GULP1: variants seen among roughly 807,000 people sequenced by gnomAD.
The protein encoded by GULP1 is PTB domain-containing engulfment adapter protein 1.
GULP1 carries 19 observed loss-of-function variants against 40.9 expected under a neutral mutation model. That is an observed-to-expected ratio of 0.46 (90% confidence interval 0.32 to 0.68). The LOEUF (loss-of-function observed/expected upper bound fraction) is 0.68. Ranked by LOEUF, GULP1 falls within the 30% of genes least tolerant of loss-of-function variation. The pLI, the probability that GULP1 is intolerant of heterozygous loss-of-function variation, is 0.03. For missense variants in GULP1, 312 were observed against 362.2 expected (o/e 0.86, Z 1.12); for synonymous variants, 119 against 117.6 (o/e 1.01, Z -0.08).
chr2:188,308,200 C>T (rs1376707407), intron 1 of GULP1, among the ~76,000 whole-genome samples: 2 of 152,078 alleles, frequency 1.3e-5, no homozygotes, highest in African/African-American at 2.4e-5. Context: ...CTGTCTGTGA[C>T]TGTCTTCCTG....
intron 4 of GULP1, among the ~76,000 whole-genome samples, chr2:188,507,892 A>T (rs2153188415): frequency 6.6e-6 from 1 of 152,108 alleles, no homozygotes; most frequent in East Asian, 1.9e-4. Context: ...TTGATATATT[A>T]ATCAAATATA....
intron 2 of GULP1, among the ~76,000 whole-genome samples, chr2:188,456,824 G>A (rs890308091): frequency 6.6e-6 from 1 of 152,140 alleles, no homozygotes; most frequent in African/African-American, 2.4e-5. Flanking sequence ...CAGATGGGAG[G>A]GAGGCTGTAC....
At chr2:188,436,199 T>A (rs2057390297) in intron 2 of GULP1, among the ~76,000 whole-genome samples, 1 of 152,086 alleles carries the variant, frequency 6.6e-6, no homozygotes, top group Admixed American at 6.6e-5. Context: ...GCCACCTATT[T>A]TTGTTGTAGA....
chr2:188,541,654 TA>T, intron 7 of GULP1: 1 of 469,226 alleles, frequency 2.1e-6, no homozygotes, highest in Non-Finnish European at 3.7e-6. Flanking sequence ...ATTATGCACA[TA>T]ATACAAACAG....
At chr2:188,577,993 G>A (rs958642314) in intron 9 of GULP1, among the ~76,000 whole-genome samples, 14 of 151,484 alleles carry the variant, frequency 9.2e-5, no homozygotes, top group African/African-American at 3.4e-4. Flanking sequence ...AAATGTAAGG[G>A]AATTTATTTC....
intron 4 of GULP1, among the ~76,000 whole-genome samples, chr2:188,517,906 G>T (rs1031236660): frequency 6.6e-6 from 1 of 152,008 alleles, no homozygotes; most frequent in Non-Finnish European, 1.5e-5. Flanking sequence ...GCATTTTGCA[G>T]CCCAGAGGTC....
chr2:188,569,394 G>C (rs750929010), intron 8 of GULP1, 39 bp downstream of exon 8: 9 of 1,014,604 alleles, frequency 8.9e-6, no homozygotes, highest in Admixed American at 6.8e-5. Flanking sequence ...TTTGTGTGAT[G>C]TAAGTACAGG....
At chr2:188,367,216 A>G (rs1378922690) in intron 1 of GULP1, among the ~76,000 whole-genome samples, 1 of 152,162 alleles carries the variant, frequency 6.6e-6, no homozygotes, top group Non-Finnish European at 1.5e-5. Flanking sequence ...TACTGGAATG[A>G]TGTCCCACTG....
rs1574966642 is a variant in GULP1, at chr2:188,393,736, C to A, written c.-45+9847C>A. ...CACCTTCTCTTTTAAGATTTAGAAA[C>A]CCTTTTAGCATTTCTTGTAGGGCAG... is the stretch of plus-strand genomic sequence containing the variant. On this transcript the variant is annotated intron_variant, in intron 2 of 11. Transcript: ENST00000409830. 1.3e-5 allele frequency among the ~76,000 whole-genome samples: 2 copies of A among 152,170 alleles called. 1 individual carries two copies. Among genetic ancestry groups the A allele is most frequent in the Admixed American group, 1.3e-4 (2 of 15,276 alleles).
chr2:188,374,664 G>A (rs1009372251), intron 1 of GULP1, among the ~76,000 whole-genome samples: 1 of 151,720 alleles, frequency 6.6e-6, no homozygotes, highest in Admixed American at 6.6e-5. Flanking sequence ...ACTCATAAGT[G>A]AATAATTACT....
intron 1 of GULP1, among the ~76,000 whole-genome samples, chr2:188,322,088 A>G (rs1389116641): frequency 1.3e-5 from 2 of 152,144 alleles, no homozygotes; most frequent in Admixed American, 6.6e-5. Flanking sequence ...AAAATTATCT[A>G]AAGTATCACC....
chr2:188,426,970 G>A (rs1466713347), intron 2 of GULP1, among the ~76,000 whole-genome samples: 1 of 152,114 alleles, frequency 6.6e-6, no homozygotes, highest in East Asian at 1.9e-4. Flanking sequence ...AGGTCTAGAT[G>A]GAAATGAAGA....
intron 2 of GULP1, among the ~76,000 whole-genome samples, chr2:188,463,892 A>G (rs2059912271): frequency 6.6e-6 from 1 of 152,150 alleles, no homozygotes; most frequent in Non-Finnish European, 1.5e-5. Context: ...TTTATCTGAT[A>G]GAATTTTGAA....
At chr2:188,356,819 T>G (rs933164193) in intron 1 of GULP1, among the ~76,000 whole-genome samples, 1 of 152,070 alleles carries the variant, frequency 6.6e-6, no homozygotes, top group Non-Finnish European at 1.5e-5. Context: ...TACTATGAAG[T>G]GCTGGTAAGC....
chr2:188,503,781 G>A (rs2063660448), intron 4 of GULP1, among the ~76,000 whole-genome samples: 2 of 151,880 alleles, frequency 1.3e-5, no homozygotes, highest in Admixed American at 6.6e-5. Flanking sequence ...TCTTATAAAC[G>A]ATGGAGAGTA....
intron 2 of GULP1, among the ~76,000 whole-genome samples, chr2:188,390,049 A>G (rs78144366): frequency 5.3e-4 from 80 of 151,912 alleles, no homozygotes; most frequent in African/African-American, 1.7e-3. Flanking sequence ...AGTTGCTTCC[A>G]TATCTTTGCC....
intron 1 of GULP1, among the ~76,000 whole-genome samples, chr2:188,316,850 A>G (rs79836992): frequency 0.01 from 1,567 of 152,284 alleles, 33 homozygotes; most frequent in African/African-American, 0.036. Flanking sequence ...CCCAAAACCT[A>G]TAACAGTGCC....
At chr2:188,503,003 C>T (rs187864513) in intron 4 of GULP1, among the ~76,000 whole-genome samples, 4 of 151,974 alleles carry the variant, frequency 2.6e-5, no homozygotes, top group Admixed American at 2.6e-4. Context: ...TAGCTAGTTC[C>T]TCAAGACTTC....
At chr2:188,432,259 A>T (rs1486290407) in intron 2 of GULP1, among the ~76,000 whole-genome samples, 1 of 151,724 alleles carries the variant, frequency 6.6e-6, no homozygotes, top group African/African-American at 2.4e-5. Flanking sequence ...TTTAAATTAC[A>T]TGACAAGCTC....
Sources: gnomAD v4.1 joint callset for allele counts (sites outside exome capture counted in the v4.1 genomes callset) on GRCh38, gnomAD v4.1.1 for gene constraint, MANE v1.5 for transcripts, NCBI Gene and HGNC (gene_info 2026-07-23, HGNC 2026-07-21) for gene names.